Variants in RNF10 observed in about 807,000 individuals in gnomAD.
RNF10 encodes E3 ubiquitin-protein ligase RNF10.
In RNF10, 38 loss-of-function variants were observed where a neutral mutation model predicts 91.4. The observed-to-expected ratio is 0.42, with a 90% CI of 0.32 to 0.54. The LOEUF (loss-of-function observed/expected upper bound fraction) is 0.54. Ranked by LOEUF, RNF10 falls within the 20% of genes least tolerant of loss-of-function variation. The pLI is 0.16. For missense variants in RNF10, 945 were observed against 1,012.0 expected, an observed-to-expected ratio of 0.93 and a Z score of 0.90; for synonymous variants, 364 against 366.3, an observed-to-expected ratio of 0.99 and a Z score of 0.07.
chr12:120,534,591 G>A lies in RNF10; in HGVS notation c.-221G>A, dbSNP rs1870445764. ...GGCCCGGCCCGGACTCCCGAGCCCC[G>A]GCCTCCTCGTCCTCGGTCGCCGCTG... On this transcript the variant is annotated 5_prime_UTR_variant, in exon 1 of 17. Transcript: ENST00000325954. 3.1e-5 allele frequency: 34 copies of A among 1,093,204 alleles called. No homozygotes were observed. Among genetic ancestry groups the A allele is most frequent in the Admixed American group, 1.3e-4 (3 of 22,346 alleles). The allele number at this position is 1,093,204 out of a possible 1,614,324, so 67.7% of individuals were successfully genotyped here.
chr12:120,534,704 C>T lies in RNF10; in HGVS notation c.-108C>T. On this transcript the variant is annotated 5_prime_UTR_variant, in exon 1 of 17. Transcript: ENST00000325954. Reference sequence around the variant, plus strand: ...ACAGGGAAAAATGTCGCCATGAAGGCCGAGAACCGCTGCCGCCGCCGACCC... The same window carrying T: ...ACAGGGAAAAATGTCGCCATGAAGGTCGAGAACCGCTGCCGCCGCCGACCC... 5.0e-6 allele frequency: 7 copies of T among 1,401,260 alleles called. No homozygotes were observed. The highest frequency in any genetic ancestry group is 6.4e-6 in the Non-Finnish European group (7 of 1,089,184). The allele number at this position is 1,401,260 out of a possible 1,614,324, so 86.8% of individuals were successfully genotyped here.
chr12:120,548,440 A>G (rs1462173564), intron 2 of RNF10, among the ~76,000 whole-genome samples: 1 of 152,194 alleles, frequency 6.6e-6, no homozygotes, highest in Non-Finnish European at 1.5e-5. Flanking sequence ...AAGGTGTTGC[A>G]GAAGGTGATC....
At chr12:120,537,144 A>G (rs1870937817) in intron 1 of RNF10, among the ~76,000 whole-genome samples, 1 of 151,290 alleles carries the variant, frequency 6.6e-6, no homozygotes, top group South Asian at 2.1e-4. Flanking sequence ...ACCCTGTCCT[A>G]CAAAAAAATA....
chr12:120,538,388 A>G (rs1428450742), intron 1 of RNF10, among the ~76,000 whole-genome samples: 4 of 152,054 alleles, frequency 2.6e-5, no homozygotes, highest in Non-Finnish European at 4.4e-5. Context: ...TTTGCCCTTC[A>G]TTTGTACACA....
chr12:120,565,612 C>A (rs920979845), intron 12 of RNF10, 83 bp downstream of exon 12: 13 of 1,135,508 alleles, frequency 1.1e-5, no homozygotes, highest in Non-Finnish European at 1.7e-5. Context: ...GGGAGCCAGA[C>A]CTTAGCCACT....
At chr12:120,539,080 C>G (rs921349842) in intron 1 of RNF10, among the ~76,000 whole-genome samples, 1 of 152,104 alleles carries the variant, frequency 6.6e-6, no homozygotes, top group Non-Finnish European at 1.5e-5. Flanking sequence ...TAATGATAGG[C>G]TTTCAAATCA....
chr12:120,537,606 T>TA (rs1871017985), intron 1 of RNF10, among the ~76,000 whole-genome samples: 1 of 151,886 alleles, frequency 6.6e-6, no homozygotes, highest in African/African-American at 2.4e-5. Context: ...CCAGCCCGTC[T>TA]AAAAAAACAA....
rs1565967916 is a variant in RNF10 at position 120,566,868 on chromosome 12, T to C, written c.1929T>C (p.Pro643=). Residue 643 remains proline (P), a synonymous_variant, in exon 13 of 17, where the codon CCT becomes CCC. Transcript: ENST00000325954. ...CCCTCGAGAATCTACAGCAGTTTCC[T>C]GCCTTCAATTCTTATACCTGCTCCT... ...HIPLENLQQF[P]AFNSYTCSSD... 1 of 1,614,046 alleles carries C rather than the reference T, an allele frequency of 6.2e-7. No individual in the cohort carries two copies. The highest frequency in any genetic ancestry group is 8.5e-7 in the Non-Finnish European group (1 of 1,179,948).
rs1778889712 is a variant in RNF10, at chr12:120,563,459, C to T, written c.1367C>T (p.Ser456Phe). ...LPLVEEEEAVSEPEPEGLPEA... is the reference protein window; with the variant it reads ...LPLVEEEEAVFEPEPEGLPEA... Reference sequence around the variant, plus strand: ...CTGGTAGAAGAGGAGGAAGCAGTGTCTGAACCAGAGCCTGAGGGGTTGCCA... The same window carrying T: ...CTGGTAGAAGAGGAGGAAGCAGTGTTTGAACCAGAGCCTGAGGGGTTGCCA... The change falls in exon 9 of 17, where the codon TCT becomes TTT. Residue 456 changes from serine to phenylalanine, a missense_variant. Coordinates refer to ENST00000325954, the MANE Select transcript of RNF10 (RefSeq NM_014868.5). 2 of 1,614,130 alleles carry T rather than the reference C, an allele frequency of 1.2e-6. No individual in the cohort carries two copies. Among genetic ancestry groups the T allele is most frequent in the Non-Finnish European group, 1.7e-6 (2 of 1,180,034 alleles).
intron 1 of RNF10, among the ~76,000 whole-genome samples, chr12:120,543,265 T>G (rs2137140575): frequency 6.6e-6 from 1 of 152,336 alleles, no homozygotes; most frequent in East Asian, 1.9e-4. Flanking sequence ...ATCAGAATCT[T>G]AGAGGGTGAG....
At position 120,565,539 on chromosome 12, in the gene RNF10, G is replaced by A. The variant is rs773261609; in HGVS notation, c.1885+10G>A. 6.2e-7 allele frequency: 1 copy of A among 1,611,518 alleles called. No homozygotes were observed. The highest frequency in any genetic ancestry group is 1.1e-5 in the South Asian group (1 of 90,936). Reference sequence around the variant, plus strand: ...AAGAAACAGGGCAAGTGTAAGTTCAGGAACTTTCATCTTTGACTAGCACTG... The same window carrying A: ...AAGAAACAGGGCAAGTGTAAGTTCAAGAACTTTCATCTTTGACTAGCACTG... On this transcript the variant is annotated intron_variant, in intron 12 of 16. Transcript: ENST00000325954.
chr12:120,541,627 G>C (rs1200901735), intron 1 of RNF10, among the ~76,000 whole-genome samples: 2 of 151,184 alleles, frequency 1.3e-5, no homozygotes, highest in African/African-American at 4.9e-5. Flanking sequence ...GTAGAGATGG[G>C]GTTTCACCAT....
chr12:120,534,969 G>C lies in RNF10; in HGVS notation c.157+1G>C. On this transcript the variant is annotated splice_donor_variant, in intron 1 of 16. Transcript: ENST00000325954. LOFTEE classifies it high-confidence loss of function. ...GCCGGCGAGTCTAAACCCAAGAGCG[G>C]TAAGGACGGGCCTGCGGCAGTGGGC... The C allele has an allele frequency of 6.3e-7, 1 of 1,594,738 alleles. No homozygotes were observed. The highest frequency in any genetic ancestry group is 8.5e-7 in the Non-Finnish European group (1 of 1,177,448).
In RNF10 at chr12:120,534,924, G is replaced by A; in HGVS notation, c.113G>A (p.Arg38His). 6.2e-7 allele frequency: 1 copy of A among 1,605,436 alleles called. No homozygotes were observed. The highest frequency in any genetic ancestry group is 2.2e-5 in the East Asian group (1 of 44,706). ...AGCAGCAAAGGGCAACAGCCGCCCC[G>A]CTCCGCCTCGGCGGGGCCAGCCGGC... ...SGSSKGQQPPRSASAGPAGES... is the reference protein window; with the variant it reads ...SGSSKGQQPPHSASAGPAGES... The change falls in exon 1 of 17, where the codon CGC becomes CAC. Residue 38 changes from arginine to histidine, a missense_variant. By Grantham distance (29) the Arg-to-His change is conservative. Transcript: ENST00000325954.
intron 14 of RNF10, chr12:120,574,659 C>T (rs1334248439): frequency 1.5e-5 from 6 of 392,270 alleles, no homozygotes; most frequent in Admixed American, 1.4e-4. Flanking sequence ...GGCACGGTGT[C>T]TCATGCCTGT....
intron 4 of RNF10, among the ~76,000 whole-genome samples, chr12:120,556,530 CAAAAAAAA>C (rs34889649): frequency 2.5e-3 from 48 of 19,218 alleles, no homozygotes; most frequent in Non-Finnish European, 2.3e-3. Flanking sequence ...GACTCCGTCT[CAAAAAAAA>C]AAAAAAAAAA....
At chr12:120,563,308 G>T in intron 8 of RNF10, 39 bp from the exon 9 acceptor site, 1 of 1,579,068 alleles carries the variant, frequency 6.3e-7, no homozygotes, top group South Asian at 1.2e-5. Flanking sequence ...CGGAAAGCAG[G>T]AGATATCCTT....
intron 1 of RNF10, among the ~76,000 whole-genome samples, chr12:120,541,512 G>C (rs1042934907): frequency 2.0e-5 from 3 of 148,672 alleles, no homozygotes; most frequent in African/African-American, 7.4e-5. Flanking sequence ...TCCGCTCACT[G>C]CTAGCCCCGC....
chr12:120,544,008 A>T (rs917857052), intron 1 of RNF10, among the ~76,000 whole-genome samples: 1 of 151,550 alleles, frequency 6.6e-6, no homozygotes, highest in Admixed American at 6.6e-5. Context: ...TGAGTGGATC[A>T]CTTGAGGTCA....
Sources: allele counts gnomAD v4.1 joint callset (sites outside exome capture counted in the v4.1 genomes callset), GRCh38; gene constraint gnomAD v4.1.1; transcripts MANE v1.5; gene names NCBI Gene and HGNC (gene_info 2026-07-23, HGNC 2026-07-21).